Variants in GGT1 observed in about 807,000 individuals in gnomAD.
GGT1 encodes glutathione hydrolase 1 proenzyme.
GGT1 carries 21 observed loss-of-function variants against 56.0 expected under a neutral mutation model. That is an observed-to-expected ratio of 0.38 (90% CI 0.27 to 0.54). The LOEUF (loss-of-function observed/expected upper bound fraction) is 0.54. Among genes scored for constraint, GGT1 ranks in the 20% least tolerant of loss-of-function variants. The probability of loss-of-function intolerance (pLI) is 0.82; values close to 1 mark genes in which losing one functional copy is unlikely to be tolerated. For synonymous variants in GGT1, 238 were observed against 342.6 expected, an observed-to-expected ratio of 0.69 and a Z score of 3.37; for missense variants, 466 against 787.0, an observed-to-expected ratio of 0.59 and a Z score of 4.88.
chr22:24,624,514 G>A (rs1200816726), intron 11 of GGT1: 1 of 937,184 alleles, frequency 1.1e-6, no homozygotes, highest in Non-Finnish European at 1.3e-6. Context: ...AGGGGCGTCA[G>A]CTGCCCAGGT....
rs1242220458 is a variant in GGT1 at position 24,610,326 on chromosome 22, G to T, written c.-213G>T. 3.0e-5 allele frequency: 8 copies of T among 262,396 alleles called. No individual in the cohort carries two copies. The highest frequency in any genetic ancestry group is 5.4e-5 in the Non-Finnish European group (7 of 130,724). The allele number at this position is 262,396 out of a possible 1,614,324, so 16.3% of individuals were successfully genotyped here. A position where few individuals can be genotyped will look rare whatever the true frequency, so the allele number is the denominator to read the frequency against. ...AGTCCCCCAGAAAGGTCTGGGCTGC[G>T]CGTGCTTCAGGTAACCTCCCTTGAC... On this transcript the variant is annotated 5_prime_UTR_variant, in exon 4 of 16. Coordinates refer to ENST00000400382, the MANE Select transcript of GGT1 (RefSeq NM_001288833.2).
chr22:24,588,803 G>A, the GGT1 span: 11 of 1,015,432 alleles, frequency 1.1e-5, no homozygotes, highest in East Asian at 6.5e-4. Flanking sequence ...GCGAGACTGC[G>A]CCTGCGGGGT....
rs1569050089 is a variant in GGT1 at position 24,606,030 on chromosome 22, AATTTATATAATATATC to A, written c.-428-1921_-428-1906del. Among the ~76,000 whole-genome samples the A allele has an allele frequency of 5.3e-3, 413 of 78,320 alleles. 48 individuals carry two copies. Among genetic ancestry groups the A allele is most frequent in the South Asian group, 0.012 (36 of 2,908 alleles). The allele number at this position is 78,320 out of a possible 152,430, so 51.4% of individuals were successfully genotyped here. A position where few individuals can be genotyped will look rare whatever the true frequency, so the allele number is the denominator to read the frequency against. On this transcript the variant is annotated intron_variant, in intron 1 of 15. Coordinates refer to ENST00000400382, the MANE Select transcript of GGT1 (RefSeq NM_001288833.2). ...AATATATCATATATTATATTTATAT[AATTTATATAATATATC>A]ATATATTATATTTATATAATTTATA...
upstream of GGT1, among the ~76,000 whole-genome samples, chr22:24,602,127 G>A (rs1263103369): frequency 2.6e-5 from 4 of 152,134 alleles, no homozygotes; most frequent in Admixed American, 1.3e-4. Flanking sequence ...GCTCAGGACG[G>A]GCCTAGGGTG....
intron 1 of GGT1, among the ~76,000 whole-genome samples, chr22:24,595,089 G>A (rs1361702644): frequency 6.6e-6 from 1 of 152,172 alleles, no homozygotes; most frequent in Non-Finnish European, 1.5e-5. Context: ...CCTAGGCAGC[G>A]GTATGGGGGA....
At chr22:24,622,975 T>C in intron 9 of GGT1, 132 bp from the exon 10 acceptor site, 1 of 952,674 alleles carries the variant, frequency 1.0e-6, no homozygotes, top group Non-Finnish European at 1.6e-6. Context: ...CTGTCCTCCC[T>C]GGTAGGTACA....
At chr22:24,600,359 C>T (rs1366437308), upstream of GGT1, among the ~76,000 whole-genome samples, 1 of 152,250 alleles carries the variant, frequency 6.6e-6, no homozygotes, top group African/African-American at 2.4e-5. Flanking sequence ...CCCACACTAT[C>T]AGTGGCTGGG....
At chr22:24,605,380 T>TTATATGTATTATATATTATATAATATTA (rs1555898169) in intron 1 of GGT1, among the ~76,000 whole-genome samples, 1 of 45,512 alleles carries the variant, frequency 2.2e-5, no homozygotes, top group Non-Finnish European at 3.1e-5. Flanking sequence ...TTATATAATA[T>TTATATGTATTATATATTATATAATATTA]TATAATATGT....
upstream of GGT1, among the ~76,000 whole-genome samples, chr22:24,601,070 T>TG (rs1195366695): frequency 6.6e-6 from 1 of 152,178 alleles, no homozygotes; most frequent in Non-Finnish European, 1.5e-5. Context: ...TTTAGCCAGT[T>TG]TACCAAGTGT....
rs577892182 is a variant in GGT1, at chr22:24,614,762, G to A, written c.165-14G>A. 3 of 1,613,300 alleles carry A rather than the reference G, an allele frequency of 1.9e-6. No individual in the cohort carries two copies. Among genetic ancestry groups the A allele is most frequent in the Admixed American group, 1.7e-5 (1 of 59,998 alleles). ...AGCCTGCAGGTTCTCATGCCTTTATGTGCCACATGGCAGGGATGCACTGCG... is the reference window on the plus strand; with the variant it reads ...AGCCTGCAGGTTCTCATGCCTTTATATGCCACATGGCAGGGATGCACTGCG... On this transcript the variant is annotated splice_polypyrimidine_tract_variant and intron_variant, in intron 5 of 15. Coordinates refer to ENST00000400382, the MANE Select transcript of GGT1 (RefSeq NM_001288833.2).
intron 7 of GGT1, among the ~76,000 whole-genome samples, chr22:24,616,633 C>T (rs2047088328): frequency 6.6e-6 from 1 of 150,682 alleles, no homozygotes; most frequent in Non-Finnish European, 1.5e-5. Flanking sequence ...CAAGCTCTGC[C>T]TCCTGAGTTC....
At chr22:24,617,025 G>T (rs1233460560) in intron 7 of GGT1, among the ~76,000 whole-genome samples, 2 of 152,182 alleles carry the variant, frequency 1.3e-5, no homozygotes, top group Non-Finnish European at 2.9e-5. Context: ...TGAAGCTGGG[G>T]TGAAAAACAA....
chr22:24,586,264 C>T, the GGT1 span: 179 of 1,613,864 alleles, frequency 1.1e-4, no homozygotes, highest in African/African-American at 3.6e-4. Context: ...CACTCAGCCC[C>T]GTGAAGCTCA....
chr22:24,601,291 G>GCCATGGCCCTCA, upstream of GGT1, among the ~76,000 whole-genome samples: 1 of 152,224 alleles, frequency 6.6e-6, no homozygotes, highest in South Asian at 2.1e-4. Context: ...ACCCCACCCC[G>GCCATGGCCCTCA]CCATGGCCCT....
chr22:24,615,211 C>T (rs1031118626), intron 7 of GGT1, 84 bp downstream of exon 7: 26 of 964,264 alleles, frequency 2.7e-5, no homozygotes, highest in Non-Finnish European at 3.6e-5. Flanking sequence ...AGCCTGCTCC[C>T]GTCAGGGTTC....
At chr22:24,595,821 T>G (rs1025975133) in intron 1 of GGT1, among the ~76,000 whole-genome samples, 1 of 152,228 alleles carries the variant, frequency 6.6e-6, no homozygotes, top group Admixed American at 6.5e-5. Context: ...GGGCTGGAAC[T>G]GGCCTTGCAC....
chr22:24,591,102 G>C (rs62231189), upstream of GGT1, among the ~76,000 whole-genome samples: 924 of 152,268 alleles, frequency 6.1e-3, 7 homozygotes, highest in South Asian at 0.015. Flanking sequence ...GTTTTGAGAC[G>C]GAGTTTTGCT....
chr22:24,588,786 T>C, the GGT1 span: 1 of 1,019,654 alleles, frequency 9.8e-7, no homozygotes, highest in South Asian at 4.0e-5. Context: ...TTCCTCTCAC[T>C]CTCCAAGCGA....
chr22:24,626,991 C>T (rs1405750923), intron 11 of GGT1, among the ~76,000 whole-genome samples: 4 of 151,388 alleles, frequency 2.6e-5, no homozygotes, highest in South Asian at 2.1e-4. Flanking sequence ...GAAGCCCTCC[C>T]TGACCACTCT....
Sources: gnomAD v4.1 joint callset for allele counts (sites outside exome capture counted in the v4.1 genomes callset) on GRCh38, gnomAD v4.1.1 for gene constraint, MANE v1.5 for transcripts, NCBI Gene and HGNC (gene_info 2026-07-23, HGNC 2026-07-21) for gene names.